The following GABPA variants were observed in gnomAD, a reference collection of about 807,000 sequenced individuals.
The protein encoded by GABPA is GA-binding protein alpha chain.
Under a neutral mutation model 59.4 loss-of-function variants are expected in GABPA, and 4 were observed. The observed-to-expected ratio is 0.07, with a 90% CI of 0.03 to 0.15. The LOEUF is 0.15. Among genes scored for constraint, GABPA ranks in the 10% least tolerant of loss-of-function variants. GABPA has a pLI of 1.00. For synonymous variants in GABPA, 164 were observed against 183.1 expected (o/e 0.90, Z 0.84); for missense variants, 251 against 543.8 (o/e 0.46, Z 5.36).
chr21:25,764,649 A>G lies in GABPA; in HGVS notation c.998A>G (p.Lys333Arg), dbSNP rs1438843547. 1.2e-6 allele frequency: 2 copies of G among 1,612,140 alleles called. No homozygotes were observed. The highest frequency in any genetic ancestry group is 1.7e-6 in the Non-Finnish European group (2 of 1,178,970). ...WQFLLELLTD[K>R]DARDCISWVG... Reference sequence around the variant, plus strand: ...TTTTTGCTAGAACTTCTTACTGATAAGGACGCTCGAGACTGCATTTCTTGG... The same window carrying G: ...TTTTTGCTAGAACTTCTTACTGATAGGGACGCTCGAGACTGCATTTCTTGG... Residue 333 changes from lysine (K) to arginine (R), a missense_variant, in exon 9 of 10, where the codon AAG becomes AGG. Transcript: ENST00000400075.
intron 6 of GABPA, among the ~76,000 whole-genome samples, chr21:25,762,051 AT>A (rs2035776868): frequency 6.6e-6 from 1 of 152,212 alleles, no homozygotes; most frequent in South Asian, 2.1e-4. Flanking sequence ...TTAGAAAACC[AT>A]AGTTCTCTGC....
At chr21:25,740,345 C>T (rs1012818028) in intron 1 of GABPA, among the ~76,000 whole-genome samples, 3 of 152,170 alleles carry the variant, frequency 2.0e-5, no homozygotes, top group South Asian at 2.1e-4. Context: ...TTGTAAATGT[C>T]GAAATACCAA....
chr21:25,769,478 AAT>A lies in GABPA; in HGVS notation c.*248_*249del. ...CAGTGTGAAGGCAGGTTCATTGTGG[AAT>A]AGTTTAACAGTCAGGAAGGCTAAAC... On this transcript the variant is annotated 3_prime_UTR_variant, in exon 10 of 10. Transcript: ENST00000400075. 1 of 415,694 alleles carries A rather than the reference AAT, an allele frequency of 2.4e-6. No homozygotes were observed. The highest frequency in any genetic ancestry group is 4.4e-6 in the Non-Finnish European group (1 of 227,884). The allele number at this position is 415,694 out of a possible 1,614,324, so 25.8% of individuals were successfully genotyped here. A position where few individuals can be genotyped will look rare whatever the true frequency, so the allele number is the denominator to read the frequency against.
At position 25,734,972 on chromosome 21, in the gene GABPA, A is replaced by T; in HGVS notation, c.-633A>T. ...GCAATGCATTATGGGCCGCCGTTTCAGTCGGTCGACGCTCACCGGACAGGA... is the reference window on the plus strand; with the variant it reads ...GCAATGCATTATGGGCCGCCGTTTCTGTCGGTCGACGCTCACCGGACAGGA... On this transcript the variant is annotated 5_prime_UTR_variant, in exon 1 of 10. Coordinates refer to ENST00000400075, the MANE Select transcript of GABPA (RefSeq NM_002040.4). 1 of 1,565,648 alleles carries T rather than the reference A, an allele frequency of 6.4e-7. No homozygotes were observed. Among genetic ancestry groups the T allele is most frequent in the Non-Finnish European group, 8.6e-7 (1 of 1,157,554 alleles).
At chr21:25,766,023 T>C (rs936599458) in intron 9 of GABPA, among the ~76,000 whole-genome samples, 1 of 151,986 alleles carries the variant, frequency 6.6e-6, no homozygotes, top group Admixed American at 6.6e-5. Context: ...CCACAGGATA[T>C]TGAGACTGAC....
chr21:25,759,751 T>C (rs2035722223), intron 6 of GABPA, among the ~76,000 whole-genome samples: 1 of 152,054 alleles, frequency 6.6e-6, no homozygotes, highest in Non-Finnish European at 1.5e-5. Context: ...CCTGCAGAGG[T>C]TTTGAAATGA....
intron 5 of GABPA, among the ~76,000 whole-genome samples, chr21:25,754,468 C>T (rs1310764546): frequency 1.3e-5 from 2 of 152,080 alleles, no homozygotes; most frequent in African/African-American, 4.8e-5. Context: ...GCACTACTTT[C>T]TGCCAGATTT....
intron 3 of GABPA, among the ~76,000 whole-genome samples, chr21:25,746,420 A>G (rs950206269): frequency 6.6e-6 from 1 of 152,150 alleles, no homozygotes; most frequent in Non-Finnish European, 1.5e-5. Context: ...CTGCCTTGTG[A>G]TATGGGTATT....
intron 5 of GABPA, among the ~76,000 whole-genome samples, chr21:25,757,766 TC>T (rs1018463411): frequency 3.3e-5 from 5 of 151,916 alleles, no homozygotes; most frequent in Admixed American, 6.6e-5. Flanking sequence ...TTGATACAGT[TC>T]CAGCTGAGGT....
intron 7 of GABPA, 70 bp from the exon 8 acceptor site, chr21:25,764,140 C>A: frequency 7.4e-7 from 1 of 1,345,526 alleles, no homozygotes; most frequent in Non-Finnish European, 1.0e-6. Context: ...GTGATAATGT[C>A]TTTCAGTAAT....
chr21:25,735,174 C>G lies in GABPA; in HGVS notation c.-431C>G. 1 of 609,840 alleles carries G rather than the reference C, an allele frequency of 1.6e-6. No homozygotes were observed. The highest frequency in any genetic ancestry group is 1.9e-5 in the South Asian group (1 of 52,120). 37.8% of individuals were successfully genotyped at this position (609,840 alleles called of 1,614,324 possible). On this transcript the variant is annotated 5_prime_UTR_variant, in exon 1 of 10. Transcript: ENST00000400075. Reference sequence around the variant, plus strand: ...TGAAACCTTGCTCTGTACGCATGCGCTCTTTGAGTGGCCTTTCCCCTAGTT... The same window carrying G: ...TGAAACCTTGCTCTGTACGCATGCGGTCTTTGAGTGGCCTTTCCCCTAGTT...
intron 3 of GABPA, among the ~76,000 whole-genome samples, chr21:25,748,779 CTA>C (rs2035432690): frequency 1.3e-5 from 2 of 152,174 alleles, no homozygotes; most frequent in South Asian, 2.1e-4. Context: ...AAATCCCAAA[CTA>C]GACTCCAGAG....
chr21:25,756,651 G>A (rs960898541), intron 5 of GABPA, among the ~76,000 whole-genome samples: 1 of 152,146 alleles, frequency 6.6e-6, no homozygotes, highest in African/African-American at 2.4e-5. Flanking sequence ...CACTTCCCTT[G>A]CTTCCCTTTG....
At chr21:25,753,499 A>C (rs1023911734) in intron 5 of GABPA, among the ~76,000 whole-genome samples, 5 of 152,228 alleles carry the variant, frequency 3.3e-5, no homozygotes, top group Non-Finnish European at 5.9e-5. Context: ...AAGAGACAGA[A>C]AGAAAGTAAT....
At chr21:25,766,546 A>G (rs2035894522) in intron 9 of GABPA, among the ~76,000 whole-genome samples, 1 of 151,952 alleles carries the variant, frequency 6.6e-6, no homozygotes, top group Non-Finnish European at 1.5e-5. Context: ...TTGAATAGAC[A>G]CCTCAGGCTA....
Position 25,741,602 on chromosome 21 carries a change from A to T in GABPA, c.4A>T (p.Thr2Ser). Residue 2 changes from threonine to serine, a missense_variant, in exon 2 of 10, where the codon ACT becomes TCT. Transcript: ENST00000400075. ...GATCCTTTGAAATACTCCAGCCATG[A>T]CTAAAAGAGAAGCAGAGGAGCTGAT... M[T>S]KREAEELIEI... 6.2e-7 allele frequency: 1 copy of T among 1,609,504 alleles called. No individual in the cohort carries two copies. The highest frequency in any genetic ancestry group is 1.1e-5 in the South Asian group (1 of 90,798).
At position 25,749,082 on chromosome 21, in the gene GABPA, G is replaced by C; in HGVS notation, c.269G>C (p.Gly90Ala). 1 of 1,607,766 alleles carries C rather than the reference G, an allele frequency of 6.2e-7. No homozygotes were observed. The highest frequency in any genetic ancestry group is 8.5e-7 in the Non-Finnish European group (1 of 1,174,632). Residue 90 changes from glycine to alanine, a missense_variant, in exon 4 of 10, where the codon GGA (glycine) becomes GCA (alanine). Gly to Ala is a moderately conservative substitution (Grantham distance 60). Around this residue, in one of 4 missense-constraint regions of GABPA, gnomAD observed 207 missense variants for 366.7 expected, o/e 0.56. Transcript: ENST00000400075. ...SLFDQGVKTD[G>A]TVQLSVQVIS... is the part of the protein sequence containing the mutation. Reference sequence around the variant, plus strand: ...TTTGACCAAGGAGTAAAAACAGATGGAACTGTACAGCTTAGTGTACAGGTA... The same window carrying C: ...TTTGACCAAGGAGTAAAAACAGATGCAACTGTACAGCTTAGTGTACAGGTA...
Position 25,772,359 on chromosome 21 carries a change from TA to T in GABPA, c.*3129del, listed in dbSNP as rs1233539820. ...TTCTTTGTGGTTTTAATTTTTTTTG[TA>T]ATTTTACATAAAACAGTTATTTTCT... On this transcript the variant is annotated 3_prime_UTR_variant, in exon 10 of 10. Coordinates refer to ENST00000400075, the MANE Select transcript of GABPA (RefSeq NM_002040.4). 6.6e-6 allele frequency: 1 copy of T among 152,142 alleles called. No individual in the cohort carries two copies. Among genetic ancestry groups the T allele is most frequent in the East Asian group, 1.9e-4 (1 of 5,204 alleles). The allele number at this position is 152,142 out of a possible 1,614,324, so 9.4% of individuals were successfully genotyped here.
At position 25,745,364 on chromosome 21, in the gene GABPA, A is replaced by G; in HGVS notation, c.222+10A>G. 6.2e-7 allele frequency: 1 copy of G among 1,608,986 alleles called. No homozygotes were observed. Among genetic ancestry groups the G allele is most frequent in the East Asian group, 2.2e-5 (1 of 44,802 alleles). On this transcript the variant is annotated intron_variant, in intron 3 of 9. Coordinates refer to ENST00000400075, the MANE Select transcript of GABPA (RefSeq NM_002040.4). ...TCTGCAAGATATCCAGGTAATTTTT[A>G]TTTTTGTAAATTTCTATTGCAACAT...
Sources: gnomAD v4.1 joint callset for allele counts (sites outside exome capture counted in the v4.1 genomes callset) on GRCh38, gnomAD v4.1.1 for gene constraint, gnomAD v4.1.1 regional missense constraint, MANE v1.5 for transcripts, NCBI Gene and HGNC (gene_info 2026-07-23, HGNC 2026-07-21) for gene names.